The following DNAJA3 variants were observed in gnomAD, a reference collection of about 807,000 sequenced individuals.
DNAJA3 encodes DnaJ heat shock protein family (Hsp40) member A3, also known as dnaJ homolog subfamily A member 3, mitochondrial.
A neutral mutation model predicts 54.9 loss-of-function variants in DNAJA3; 29 were observed. That is an observed-to-expected ratio of 0.53 (90% CI 0.39 to 0.72). The LOEUF is 0.72. Among genes scored for constraint, DNAJA3 ranks in the 30% least tolerant of loss-of-function variants. The pLI, the probability that DNAJA3 is intolerant of heterozygous loss-of-function variation, is 0.00. For missense variants in DNAJA3, 708 were observed against 639.4 expected, an observed-to-expected ratio of 1.11 and a Z score of -1.16; for synonymous variants, 302 against 251.4, an observed-to-expected ratio of 1.20 and a Z score of -1.90.
chr16:4,432,869 C>T (rs560625188), intron 1 of DNAJA3, among the ~76,000 whole-genome samples: 6 of 151,808 alleles, frequency 4.0e-5, no homozygotes, highest in African/African-American at 1.2e-4. Context: ...CTGCCGGGCA[C>T]GGTGGCTCAC....
Position 4,455,775 on chromosome 16 carries a change from C to G in DNAJA3, c.*243C>G. The G allele has an allele frequency of 1.6e-6, 1 of 609,506 alleles. No homozygotes were observed. The highest frequency in any genetic ancestry group is 2.9e-6 in the Non-Finnish European group (1 of 342,966). The allele number at this position is 609,506 out of a possible 1,614,324, so 37.8% of individuals were successfully genotyped here. A position where few individuals can be genotyped will look rare whatever the true frequency, so the allele number is the denominator to read the frequency against. The stretch of plus-strand genomic sequence containing the variant: ...CCAGAGGCTGGTGGCAGTTTCCTGT[C>G]CATTGGTAGGTGACGGCCCCTGGCT... On this transcript the variant is annotated 3_prime_UTR_variant, in exon 12 of 12. Transcript: ENST00000262375.
intron 3 of DNAJA3, among the ~76,000 whole-genome samples, chr16:4,439,672 T>C (rs1272262885): frequency 2.0e-5 from 3 of 152,192 alleles, no homozygotes; most frequent in African/African-American, 7.2e-5. Context: ...GGGGATGTTA[T>C]TAAACGGACC....
chr16:4,435,775 C>G (rs564161237), intron 2 of DNAJA3, among the ~76,000 whole-genome samples: 1 of 152,304 alleles, frequency 6.6e-6, no homozygotes, highest in South Asian at 2.1e-4. Flanking sequence ...ATGAACAGTG[C>G]TGCTATATAG....
intron 1 of DNAJA3, chr16:4,433,772 T>A (rs1450158653): frequency 6.6e-6 from 1 of 152,268 alleles, no homozygotes; most frequent in Non-Finnish European, 1.5e-5. Flanking sequence ...AGGAGTATTA[T>A]TCCTTTAGTG....
rs769046769 is a variant in DNAJA3, at chr16:4,448,900, G to T, written c.1241+52G>T. ...GCCCGCCTGGTCCTGCGGTGGCACTGCCCTTGGAGCTCTGTGGCTTGGGCA... is the reference window on the plus strand; with the variant it reads ...GCCCGCCTGGTCCTGCGGTGGCACTTCCCTTGGAGCTCTGTGGCTTGGGCA... On this transcript the variant is annotated intron_variant, in intron 9 of 11. Transcript: ENST00000262375. 3 of 1,377,390 alleles carry T rather than the reference G, an allele frequency of 2.2e-6. No individual in the cohort carries two copies. In the Admixed American group the frequency reaches 5.4e-5, roughly 25 times the overall value. 85.3% of individuals were successfully genotyped at this position (1,377,390 alleles called of 1,614,324 possible).
rs2056784477 is a variant in DNAJA3, at chr16:4,437,419, C to T, written c.363C>T (p.His121=). The T allele has an allele frequency of 6.2e-7, 1 of 1,613,916 alleles. No individual in the cohort carries two copies. The highest frequency in any genetic ancestry group is 8.5e-7 in the Non-Finnish European group (1 of 1,180,010). The change falls in exon 3 of 12, where the codon CAC becomes CAT. Residue 121 remains histidine, a synonymous_variant. Coordinates refer to ENST00000262375, the MANE Select transcript of DNAJA3 (RefSeq NM_005147.6). ...TCCCTTAGCTTGCCAAGAAGTATCACCCTGACACAAATAAGGATGATCCCA... is the reference window on the plus strand; with the variant it reads ...TCCCTTAGCTTGCCAAGAAGTATCATCCTGACACAAATAAGGATGATCCCA... ...KAYYQLAKKY[H]PDTNKDDPKA...
chr16:4,429,825 A>G (rs1192413103), intron 1 of DNAJA3, among the ~76,000 whole-genome samples: 1 of 151,186 alleles, frequency 6.6e-6, no homozygotes, highest in Middle Eastern at 3.2e-3. Context: ...CAAGAGCGAA[A>G]CTGTGTCTCA....
At chr16:4,431,460 A>G (rs1175084321) in intron 1 of DNAJA3, 1 of 152,108 alleles carries the variant, frequency 6.6e-6, no homozygotes, top group African/African-American at 2.4e-5. Flanking sequence ...GACCATTCCT[A>G]TCCATTCTCC....
intron 8 of DNAJA3, 27 bp from the exon 9 acceptor site, chr16:4,448,706 G>A (rs374949136): frequency 1.9e-6 from 3 of 1,568,500 alleles, no homozygotes; most frequent in African/African-American, 1.4e-5. Context: ...GGGACCAGGG[G>A]AAACCACAGA....
chr16:4,453,478 C>T (rs1023255954), intron 10 of DNAJA3, among the ~76,000 whole-genome samples: 3 of 151,520 alleles, frequency 2.0e-5, no homozygotes, highest in Non-Finnish European at 4.4e-5. Context: ...CACTCTGTCA[C>T]CCGGGCCGGA....
chr16:4,434,301 T>TA lies in DNAJA3; in HGVS notation c.212-82dup, dbSNP rs942379363. The TA allele has an allele frequency of 1.2e-4, 178 of 1,475,960 alleles. No individual in the cohort carries two copies. In the African/African-American group the frequency reaches 2.3e-3, roughly 19 times the overall value. 91.4% of individuals were successfully genotyped at this position (1,475,960 alleles called of 1,614,324 possible). On this transcript the variant is annotated intron_variant, in intron 1 of 11. Transcript: ENST00000262375. ...ATCAGTTTGTTTGTTCCTTCACAGA[T>TA]ATAGCCTGGTGGGTCATGTACTCAC...
intron 1 of DNAJA3, chr16:4,430,651 T>C (rs142909342): frequency 3.5e-4 from 53 of 152,106 alleles, no homozygotes; most frequent in African/African-American, 1.2e-3. Context: ...TGGGTTGTTC[T>C]AAAAAGGACA....
chr16:4,428,811 G>A (rs558908343), intron 1 of DNAJA3, among the ~76,000 whole-genome samples: 1 of 152,240 alleles, frequency 6.6e-6, no homozygotes, highest in Non-Finnish European at 1.5e-5. Context: ...CGCTGAGGCA[G>A]GAGGATCACA....
chr16:4,439,013 G>A (rs1027224997), intron 3 of DNAJA3, among the ~76,000 whole-genome samples: 10 of 151,866 alleles, frequency 6.6e-5, no homozygotes, highest in African/African-American at 2.4e-4. Flanking sequence ...TTCTATGGAA[G>A]ATAAGATTAA....
Position 4,429,086 on chromosome 16 carries a change from C to A in DNAJA3, c.211+2994C>A, listed in dbSNP as rs544965711. ...TGTATTTTTAGTAGAGATGGAGTTT[C>A]ACTGTGTTAGCCAGGACGTCTCGAT... On this transcript the variant is annotated intron_variant, in intron 1 of 11. Transcript: ENST00000262375. Among the ~76,000 whole-genome samples, 274 of 151,876 alleles carry A rather than the reference C, an allele frequency of 1.8e-3. 1 individual carries two copies. The highest frequency in any genetic ancestry group is 6.5e-3 in the African/African-American group (268 of 41,378).
intron 9 of DNAJA3, chr16:4,450,010 T>G (rs936178965): frequency 8.1e-5 from 13 of 161,200 alleles, no homozygotes; most frequent in Admixed American, 1.3e-4. Context: ...GGATGGTCTC[T>G]ATCTCCTGAC....
In DNAJA3 at chr16:4,442,413, C is replaced by G. The variant is rs138339384; in HGVS notation, c.776C>G (p.Ser259Cys). 64 of 1,597,300 alleles carry G rather than the reference C, an allele frequency of 4.0e-5. No individual in the cohort carries two copies. The East Asian group carries it at 1.3e-3, about 31-fold the overall frequency. Residue 259 changes from serine (S) to cysteine (C), a missense_variant, in exon 5 of 12, where the codon TCC (serine) becomes TGC (cysteine). Coordinates refer to ENST00000262375, the MANE Select transcript of DNAJA3 (RefSeq NM_005147.6). ...KVQHCHYCGG[S>C]GMETINTGPF... ...CAGCATTGCCACTACTGTGGCGGCT[C>G]CGGCATGGTAAGGCTCTGCCCGAGA... is the stretch of plus-strand genomic sequence containing the variant.
At chr16:4,444,539 T>C (rs2141386076) in intron 6 of DNAJA3, 125 bp from the exon 7 acceptor site, 1 of 714,768 alleles carries the variant, frequency 1.4e-6, no homozygotes, top group East Asian at 2.8e-5. Flanking sequence ...TTTCACCATG[T>C]TGGCCAGGAT....
intron 9 of DNAJA3, among the ~76,000 whole-genome samples, chr16:4,449,182 G>A (rs1418783319): frequency 6.6e-6 from 1 of 151,670 alleles, no homozygotes; most frequent in Admixed American, 6.6e-5. Context: ...ATTTTTAGTA[G>A]AGATGGGGTT....
Sources: gnomAD v4.1 joint callset for allele counts (sites outside exome capture counted in the v4.1 genomes callset) on GRCh38, gnomAD v4.1.1 for gene constraint, MANE v1.5 for transcripts, NCBI Gene and HGNC (gene_info 2026-07-23, HGNC 2026-07-21) for gene names.